TMEM50A: variants seen among roughly 807,000 people sequenced by gnomAD.
The protein encoded by TMEM50A is cervical cancer oncogene 9.
TMEM50A carries 8 observed loss-of-function variants against 23.9 expected under a neutral mutation model. The observed-to-expected ratio is 0.33, with a 90% CI of 0.20 to 0.60. TMEM50A has a LOEUF of 0.60. Ranked by LOEUF, TMEM50A falls within the 20% of genes least tolerant of loss-of-function variation. The pLI is 0.81. For synonymous variants in TMEM50A, 55 were observed against 60.4 expected, an observed-to-expected ratio of 0.91 and a Z score of 0.41; for missense variants, 178 against 192.7, an observed-to-expected ratio of 0.92 and a Z score of 0.45.
chr1:25,359,989 G>A (rs1255032472), intron 6 of TMEM50A, among the ~76,000 whole-genome samples: 1 of 152,106 alleles, frequency 6.6e-6, no homozygotes. Flanking sequence ...GCAATTTGAG[G>A]GCAGTGGCTT....
At chr1:25,351,473 C>T (rs548646819) in intron 3 of TMEM50A, among the ~76,000 whole-genome samples, 153 bp from the exon 4 acceptor site, 1 of 151,252 alleles carries the variant, frequency 6.6e-6, no homozygotes, top group African/African-American at 2.4e-5. Context: ...TGTGCCACTG[C>T]ATTCTAGCTT....
chr1:25,345,260 C>T (rs1211590610), intron 3 of TMEM50A, among the ~76,000 whole-genome samples: 1 of 152,032 alleles, frequency 6.6e-6, no homozygotes, highest in Non-Finnish European at 1.5e-5. Flanking sequence ...GCCTGGCCAA[C>T]GTGGTGAAAC....
At chr1:25,340,319 A>C (rs1226159797) in intron 1 of TMEM50A, among the ~76,000 whole-genome samples, 155 bp from the exon 2 acceptor site, 2 of 152,234 alleles carry the variant, frequency 1.3e-5, no homozygotes, top group East Asian at 3.8e-4. Flanking sequence ...ATTCATCAAA[A>C]ACTAAATCAA....
chr1:25,340,449 A>C (rs1249204957), intron 1 of TMEM50A, 25 bp from the exon 2 acceptor site: 9 of 1,518,426 alleles, frequency 5.9e-6, no homozygotes, highest in Non-Finnish European at 8.2e-6. Flanking sequence ...GTACTTATTT[A>C]ATTGTTTGTT....
chr1:25,348,910 G>T (rs892702187), intron 3 of TMEM50A, among the ~76,000 whole-genome samples: 1 of 152,150 alleles, frequency 6.6e-6, no homozygotes, highest in Non-Finnish European at 1.5e-5. Context: ...AGCATGAGAG[G>T]CATCCTCTAT....
At chr1:25,340,333 T>C (rs935069049) in intron 1 of TMEM50A, 141 bp from the exon 2 acceptor site, 13 of 563,180 alleles carry the variant, frequency 2.3e-5, no homozygotes, top group Non-Finnish European at 4.1e-5. Context: ...AAATCAAATA[T>C]TCTGAAGAAG....
intron 2 of TMEM50A, among the ~76,000 whole-genome samples, chr1:25,341,048 T>A (rs3093572): frequency 0.079 from 12,000 of 152,084 alleles, 1,509 homozygotes; most frequent in African/African-American, 0.27. Flanking sequence ...AATTTTTTTT[T>A]AAAAAGCAAA....
intron 5 of TMEM50A, among the ~76,000 whole-genome samples, chr1:25,355,239 T>C (rs933967028): frequency 4.6e-5 from 7 of 150,806 alleles, no homozygotes; most frequent in African/African-American, 1.7e-4. Flanking sequence ...ACCTGGGAGG[T>C]GGAGGTTGCA....
At chr1:25,357,634 G>GTGTGTGTT (rs1553152339) in intron 6 of TMEM50A, among the ~76,000 whole-genome samples, 28 of 150,220 alleles carry the variant, frequency 1.9e-4, no homozygotes, top group African/African-American at 6.9e-4. Context: ...GTGTGTGTGT[G>GTGTGTGTT]TGTGTGTGTG....
intron 6 of TMEM50A, 104 bp from the exon 7 acceptor site, chr1:25,360,556 C>T: frequency 1.6e-6 from 2 of 1,283,526 alleles, no homozygotes; most frequent in Non-Finnish European, 2.2e-6. Context: ...TCTTCTACAA[C>T]TCATCAATTA....
chr1:25,347,791 G>A (rs1645234059), intron 3 of TMEM50A, among the ~76,000 whole-genome samples: 1 of 152,192 alleles, frequency 6.6e-6, no homozygotes, highest in South Asian at 2.1e-4. Context: ...GCAAAGGGCT[G>A]TGGTCTTTTT....
intron 3 of TMEM50A, 138 bp from the exon 4 acceptor site, chr1:25,351,488 A>G: frequency 1.6e-6 from 1 of 610,724 alleles, no homozygotes; most frequent in Non-Finnish European, 2.6e-6. Flanking sequence ...TAGCTTGAGC[A>G]ACAGAGTGAG....
intron 2 of TMEM50A, chr1:25,342,464 C>T (rs1645177221): frequency 6.6e-6 from 1 of 152,304 alleles, no homozygotes; most frequent in Admixed American, 6.5e-5. Context: ...CATATTTAGA[C>T]TGCACTGGAA....
chr1:25,339,608 T>TTAGAGAAA (rs1435116188), intron 1 of TMEM50A, among the ~76,000 whole-genome samples: 1 of 152,194 alleles, frequency 6.6e-6, no homozygotes, highest in Non-Finnish European at 1.5e-5. Flanking sequence ...AATATGTAAA[T>TTAGAGAAA]TAGAGAAATA....
At chr1:25,350,199 C>T (rs1645262254) in intron 3 of TMEM50A, among the ~76,000 whole-genome samples, 2 of 152,088 alleles carry the variant, frequency 1.3e-5, no homozygotes, top group South Asian at 4.1e-4. Context: ...AAAATTACTA[C>T]AAAAAAATTT....
chr1:25,350,104 A>C (rs567011099), intron 3 of TMEM50A, among the ~76,000 whole-genome samples: 1 of 152,216 alleles, frequency 6.6e-6, no homozygotes, highest in Non-Finnish European at 1.5e-5. Flanking sequence ...TACCACTTGA[A>C]TCTCTATTCG....
chr1:25,344,751 G>T (rs1469049002), intron 3 of TMEM50A, among the ~76,000 whole-genome samples: 1 of 151,488 alleles, frequency 6.6e-6, no homozygotes, highest in African/African-American at 2.4e-5. Flanking sequence ...TTGGTAGAAA[G>T]AATGTATATT....
intron 3 of TMEM50A, among the ~76,000 whole-genome samples, chr1:25,346,519 C>T (rs574621600): frequency 2.6e-5 from 4 of 152,196 alleles, no homozygotes; most frequent in Admixed American, 1.3e-4. Flanking sequence ...CCTCAGCCTC[C>T]CCAGTAGCTA....
chr1:25,359,163 C>G (rs994530501), intron 6 of TMEM50A, among the ~76,000 whole-genome samples: 1 of 152,198 alleles, frequency 6.6e-6, no homozygotes, highest in African/African-American at 2.4e-5. Flanking sequence ...ATAGAGCATG[C>G]AGGCAGGCGT....
Sources: gnomAD v4.1 joint callset for allele counts (sites outside exome capture counted in the v4.1 genomes callset) on GRCh38, gnomAD v4.1.1 for gene constraint, MANE v1.5 for transcripts, NCBI Gene and HGNC (gene_info 2026-07-23, HGNC 2026-07-21) for gene names.